The following SPAG6 variants were observed in gnomAD, a reference collection of about 807,000 sequenced individuals.
The protein encoded by SPAG6 is sperm-associated antigen 6.
A neutral mutation model predicts 58.5 loss-of-function variants in SPAG6; 49 were observed. The ratio of observed to expected loss-of-function variants is 0.84; its 90% CI spans 0.67 to 1.06. The LOEUF (loss-of-function observed/expected upper bound fraction) is 1.06, where lower values mean the gene tolerates loss of function less well. SPAG6 is among the 50% of genes least tolerant of loss of function. SPAG6 has a pLI of 0.00. For synonymous variants in SPAG6, 233 were observed against 225.6 expected (o/e 1.03, Z -0.29); for missense variants, 560 against 611.3 (o/e 0.92, Z 0.89).
chr10:22,416,742 T>A lies in SPAG6; in HGVS notation c.*54T>A. 1.0e-6 allele frequency: 1 copy of A among 974,010 alleles called. No individual in the cohort carries two copies. 60.3% of individuals were successfully genotyped at this position (974,010 alleles called of 1,614,324 possible). On this transcript the variant is annotated 3_prime_UTR_variant, in exon 11 of 11. Transcript: ENST00000376624. ...ACAGCAGAGTAGTTTTGAGTAACAG[T>A]AATTAAATCCTTCTAAATATTTGAA...
chr10:22,364,853 G>C lies in SPAG6; in HGVS notation c.122G>C (p.Gly41Ala). ...TCTGTTCTTTCATAATTTAACTCAG[G>C]TGTAATGTCTTTGCTGAGAACTCTT... Reference protein sequence around the residue: ...PQNIETLQNAGVMSLLRTLLL... With the variant: ...PQNIETLQNAAVMSLLRTLLL... The change falls in exon 3 of 11, where the codon GGT (glycine) becomes GCT (alanine). Residue 41 changes from glycine to alanine, a missense_variant and splice_region_variant. Transcript: ENST00000376624. 6.3e-7 allele frequency: 1 copy of C among 1,597,570 alleles called. No homozygotes were observed. The highest frequency in any genetic ancestry group is 8.5e-7 in the Non-Finnish European group (1 of 1,173,842).
At chr10:22,411,294 A>G in intron 10 of SPAG6, 118 bp downstream of exon 10, 1 of 737,352 alleles carries the variant, frequency 1.4e-6, no homozygotes, top group South Asian at 2.3e-5. Context: ...TGAGGCCAAT[A>G]TGTACCTTTA....
Position 22,401,249 on chromosome 10 carries a change from T to C in SPAG6, c.1286T>C (p.Leu429Pro). Reference protein sequence around the residue: ...PFLYDAPPNILKHVVGQFSKV... With the variant: ...PFLYDAPPNIPKHVVGQFSKV... ...CTATATGATGCTCCTCCCAATATTC[T>C]GAAACATGTGGTTGGACAGTTCAGT... The change falls in exon 9 of 11, where the codon CTG becomes CCG. Residue 429 changes from leucine (L) to proline (P), a missense_variant. Leu to Pro is a moderately conservative substitution (Grantham distance 98). Coordinates refer to ENST00000376624, the MANE Select transcript of SPAG6 (RefSeq NM_012443.4). 1 of 1,587,930 alleles carries C rather than the reference T, an allele frequency of 6.3e-7. No homozygotes were observed. The highest frequency in any genetic ancestry group is 1.1e-5 in the South Asian group (1 of 90,400).
At chr10:22,353,708 C>G (rs914603860) in intron 2 of SPAG6, among the ~76,000 whole-genome samples, 1 of 152,072 alleles carries the variant, frequency 6.6e-6, no homozygotes, top group Non-Finnish European at 1.5e-5. Flanking sequence ...AGGCATAGTC[C>G]CTGTGCTTAA....
At chr10:22,357,442 A>C (rs114902194) in intron 2 of SPAG6, among the ~76,000 whole-genome samples, 1,702 of 152,098 alleles carry the variant, frequency 0.011, 27 homozygotes, top group African/African-American at 0.038. Context: ...AATGTATGGC[A>C]AAAAAAGCCT....
chr10:22,396,261 T>A (rs1834289985), intron 8 of SPAG6, among the ~76,000 whole-genome samples: 1 of 152,170 alleles, frequency 6.6e-6, no homozygotes, highest in Admixed American at 6.5e-5. Flanking sequence ...GGGAGATAAT[T>A]TGAATCATGG....
rs1837260912 is a variant in SPAG6 at position 22,368,570 on chromosome 10, G to T, written c.364G>T (p.Val122Phe). 1.9e-6 allele frequency: 3 copies of T among 1,614,020 alleles called. No homozygotes were observed. Among genetic ancestry groups the T allele is most frequent in the Non-Finnish European group, 2.5e-6 (3 of 1,179,982 alleles). The change falls in exon 4 of 11, where the codon GTC (valine) becomes TTC (phenylalanine). Residue 122 changes from valine (V) to phenylalanine (F), a missense_variant. Coordinates refer to ENST00000376624, the MANE Select transcript of SPAG6 (RefSeq NM_012443.4). ...KHSPQLAQAIVDCGALDTLVI... is the reference protein window; with the variant it reads ...KHSPQLAQAIFDCGALDTLVI... ...TTCTCCCCAGCTAGCTCAGGCAATAGTCGATTGTGGAGCACTGGATACGCT... is the reference window on the plus strand; with the variant it reads ...TTCTCCCCAGCTAGCTCAGGCAATATTCGATTGTGGAGCACTGGATACGCT...
At chr10:22,381,934 C>T (rs1442100762) in intron 4 of SPAG6, among the ~76,000 whole-genome samples, 1 of 152,138 alleles carries the variant, frequency 6.6e-6, no homozygotes, top group Non-Finnish European at 1.5e-5. Flanking sequence ...ACTTAAATTG[C>T]AACACTTCTC....
intron 9 of SPAG6, among the ~76,000 whole-genome samples, chr10:22,402,118 A>T (rs1054690657): frequency 6.6e-6 from 1 of 152,214 alleles, no homozygotes; most frequent in African/African-American, 2.4e-5. Flanking sequence ...GTAAATAATT[A>T]GAGTACTTAT....
intron 9 of SPAG6, among the ~76,000 whole-genome samples, chr10:22,401,884 A>G (rs539908041): frequency 3.9e-5 from 6 of 152,344 alleles, no homozygotes; most frequent in Admixed American, 3.3e-4. Flanking sequence ...TGACTCTGTT[A>G]CCACAGACAC....
Position 22,357,473 on chromosome 10 carries a change from C to A in SPAG6, c.122-7380C>A, listed in dbSNP as rs144690179. Among the ~76,000 whole-genome samples the A allele has an allele frequency of 6.4e-3, 976 of 151,930 alleles. 12 individuals are homozygous for A. Among genetic ancestry groups the A allele is most frequent in the African/African-American group, 0.022 (930 of 41,386 alleles). ...AGCCTCTAACTATGGGACCATTGAACCTTTAATAGTTCTTAATTACAATGG... is the reference window on the plus strand; with the variant it reads ...AGCCTCTAACTATGGGACCATTGAAACTTTAATAGTTCTTAATTACAATGG... On this transcript the variant is annotated intron_variant, in intron 2 of 10. Transcript: ENST00000376624.
chr10:22,365,124 G>T, intron 3 of SPAG6, 105 bp downstream of exon 3: 1 of 725,868 alleles, frequency 1.4e-6, no homozygotes, highest in Non-Finnish European at 2.1e-6. Flanking sequence ...TTATTAGGGG[G>T]TTAACACAAT....
chr10:22,373,667 T>C (rs900962009), intron 4 of SPAG6, among the ~76,000 whole-genome samples: 2 of 152,230 alleles, frequency 1.3e-5, no homozygotes, highest in Non-Finnish European at 2.9e-5. Context: ...CAGCCGTCTT[T>C]ACTGACGCCT....
intron 4 of SPAG6, among the ~76,000 whole-genome samples, chr10:22,381,984 G>A (rs1227654658): frequency 5.3e-5 from 8 of 152,056 alleles, no homozygotes; most frequent in Admixed American, 4.6e-4. Context: ...TTAGCCCTTC[G>A]TTAGGAAAAA....
At chr10:22,379,134 A>T (rs1833892627) in intron 4 of SPAG6, among the ~76,000 whole-genome samples, 1 of 152,184 alleles carries the variant, frequency 6.6e-6, no homozygotes, top group Admixed American at 6.5e-5. Flanking sequence ...AGACTTTTAC[A>T]TAGTAATATG....
chr10:22,362,285 A>G (rs970746876), intron 2 of SPAG6, among the ~76,000 whole-genome samples: 2 of 150,426 alleles, frequency 1.3e-5, no homozygotes, highest in Non-Finnish European at 3.0e-5. Context: ...GGAAAAAATA[A>G]CATGAAACTT....
In SPAG6 at chr10:22,389,216, G is replaced by T; in HGVS notation, c.909G>T (p.Gly303=). 2 of 1,613,366 alleles carry T rather than the reference G, an allele frequency of 1.2e-6. No individual in the cohort carries two copies. Among genetic ancestry groups the T allele is most frequent in the Non-Finnish European group, 1.7e-6 (2 of 1,179,718 alleles). Residue 303 remains glycine, a synonymous_variant, in exon 7 of 11, where the codon GGG becomes GGT. Coordinates refer to ENST00000376624, the MANE Select transcript of SPAG6 (RefSeq NM_012443.4). ...GGVAAVIDCI[G]SCKGNTRLPG... ...TTGCTGCCGTGATTGACTGCATTGG[G>T]TCCTGCAAAGGGAACACACGGCTGC...
intron 4 of SPAG6, among the ~76,000 whole-genome samples, chr10:22,382,224 G>A (rs1036361326): frequency 6.6e-6 from 1 of 152,094 alleles, no homozygotes; most frequent in African/African-American, 2.4e-5. Flanking sequence ...CCACAGAGGA[G>A]GCTGCCTCAG....
At chr10:22,411,299 C>T (rs929989018) in intron 10 of SPAG6, 123 bp downstream of exon 10, 3 of 705,118 alleles carry the variant, frequency 4.3e-6, no homozygotes, top group Admixed American at 3.3e-5. Context: ...CCAATATGTA[C>T]CTTTATTTCT....
Sources: gnomAD v4.1 joint callset for allele counts (sites outside exome capture counted in the v4.1 genomes callset) on GRCh38, gnomAD v4.1.1 for gene constraint, MANE v1.5 for transcripts, NCBI Gene and HGNC (gene_info 2026-07-23, HGNC 2026-07-21) for gene names.